DOK6: variants seen among roughly 807,000 people sequenced by gnomAD.
The protein encoded by DOK6 is downstream of tyrosine kinase 6.
Under a neutral mutation model 44.0 loss-of-function variants are expected in DOK6, and 22 were observed. The ratio of observed to expected loss-of-function variants is 0.50; its 90% CI spans 0.36 to 0.71. DOK6 has a LOEUF of 0.71. DOK6 is among the 30% of genes least tolerant of loss of function. The pLI is 0.00. For missense variants in DOK6, 340 were observed against 416.4 expected, an observed-to-expected ratio of 0.82 and a Z score of 1.60; for synonymous variants, 166 against 145.5, an observed-to-expected ratio of 1.14 and a Z score of -1.01.
chr18:69,659,542 G>A (rs1985455423), intron 3 of DOK6, among the ~76,000 whole-genome samples: 1 of 152,110 alleles, frequency 6.6e-6, no homozygotes, highest in African/African-American at 2.4e-5. Context: ...TAATTACACA[G>A]GCTGAGATAA....
intron 5 of DOK6, among the ~76,000 whole-genome samples, chr18:69,736,652 T>G (rs1224536847): frequency 6.6e-6 from 1 of 152,236 alleles, no homozygotes. Flanking sequence ...GGTTCAACTG[T>G]AACACCTATG....
At position 69,848,183 on chromosome 18, in the gene DOK6, A is replaced by G. The variant is rs937266957; in HGVS notation, c.*6800A>G. The G allele has an allele frequency of 1.3e-5, 2 of 152,148 alleles. No individual in the cohort carries two copies. Among genetic ancestry groups the G allele is most frequent in the African/African-American group, 4.8e-5 (2 of 41,412 alleles). The allele number at this position is 152,148 out of a possible 1,614,324, so 9.4% of individuals were successfully genotyped here. A position where few individuals can be genotyped will look rare whatever the true frequency, so the allele number is the denominator to read the frequency against. On this transcript the variant is annotated 3_prime_UTR_variant, in exon 8 of 8. Coordinates refer to ENST00000382713, the MANE Select transcript of DOK6 (RefSeq NM_152721.6). ...CCTATGAATCTCTAAAATATATTAA[A>G]TAATGTGTTATATATTTGCTTTTTG... is the stretch of plus-strand genomic sequence containing the variant.
At chr18:69,611,940 T>C (rs12456201) in intron 3 of DOK6, among the ~76,000 whole-genome samples, 65,134 of 134,002 alleles carry the variant, frequency 0.49, 14,070 homozygotes, top group Middle Eastern at 0.6. Context: ...TGATTAATTA[T>C]ATAAAACTTA....
chr18:69,646,402 G>A lies in DOK6; in HGVS notation c.290-31332G>A, dbSNP rs8092966. Among the ~76,000 whole-genome samples the A allele has an allele frequency of 2.6e-5, 4 of 151,900 alleles. No individual in the cohort carries two copies. The East Asian group carries it at 7.7e-4, about 29-fold the overall frequency. On this transcript the variant is annotated intron_variant, in intron 3 of 7. Transcript: ENST00000382713. The stretch of plus-strand genomic sequence containing the variant: ...AGACATGAGTATGATGTTACAGTTT[G>A]CCTCTGATTTCTGGTTATTTTAGGG...
At chr18:69,788,379 A>G (rs1980496586) in intron 7 of DOK6, among the ~76,000 whole-genome samples, 1 of 152,238 alleles carries the variant, frequency 6.6e-6, no homozygotes, top group African/African-American at 2.4e-5. Context: ...AGGGATGACT[A>G]ACTTCCTGAA....
chr18:69,499,456 G>A (rs1267350924), intron 1 of DOK6, among the ~76,000 whole-genome samples: 1 of 152,140 alleles, frequency 6.6e-6, no homozygotes, highest in African/African-American at 2.4e-5. Context: ...TGTAGAATGA[G>A]TAATTTACGC....
chr18:69,437,022 A>C (rs1304765355), intron 1 of DOK6, among the ~76,000 whole-genome samples: 8 of 152,098 alleles, frequency 5.3e-5, no homozygotes, highest in African/African-American at 1.9e-4. Context: ...TTTCTTGTAA[A>C]TTTGTTCAAG....
chr18:69,595,245 A>G (rs1983713971), intron 2 of DOK6, among the ~76,000 whole-genome samples: 1 of 152,204 alleles, frequency 6.6e-6, no homozygotes, highest in African/African-American at 2.4e-5. Context: ...TAGAAAAACA[A>G]TTGTGTGGCT....
chr18:69,808,486 G>A (rs1024303379), intron 7 of DOK6, among the ~76,000 whole-genome samples: 1 of 151,674 alleles, frequency 6.6e-6, no homozygotes, highest in African/African-American at 2.4e-5. Context: ...AAGAGCAACA[G>A]AACTAAAAGT....
chr18:69,762,042 G>A (rs533128160), intron 7 of DOK6, among the ~76,000 whole-genome samples: 49 of 152,184 alleles, frequency 3.2e-4, no homozygotes, highest in South Asian at 1.9e-3. Flanking sequence ...AGAAAAGAAG[G>A]AAAGTTCAAC....
chr18:69,456,164 A>G lies in DOK6; in HGVS notation c.66+54854A>G, dbSNP rs1979627938. 2.0e-5 allele frequency among the ~76,000 whole-genome samples: 3 copies of G among 152,156 alleles called. No homozygotes were observed. The South Asian group carries it at 6.2e-4, about 32-fold the overall frequency. On this transcript the variant is annotated intron_variant, in intron 1 of 7. Transcript: ENST00000382713. ...TCAAAACATTGTTTTTATTCCAGGAATTATGTCAAAAATTAAGCCTTTTTT... is the reference window on the plus strand; with the variant it reads ...TCAAAACATTGTTTTTATTCCAGGAGTTATGTCAAAAATTAAGCCTTTTTT...
intron 7 of DOK6, among the ~76,000 whole-genome samples, chr18:69,769,117 A>G (rs940051282): frequency 6.6e-6 from 1 of 152,046 alleles, no homozygotes; most frequent in Non-Finnish European, 1.5e-5. Context: ...TTTACTATTC[A>G]TAATATTAGA....
chr18:69,560,746 C>G (rs1027905464), intron 1 of DOK6, among the ~76,000 whole-genome samples: 1 of 152,076 alleles, frequency 6.6e-6, no homozygotes. Context: ...GCGGCATGAG[C>G]TTTACATACT....
chr18:69,463,589 C>T (rs1379540930), intron 1 of DOK6, among the ~76,000 whole-genome samples: 1 of 152,120 alleles, frequency 6.6e-6, no homozygotes, highest in Non-Finnish European at 1.5e-5. Context: ...AGAGAGAACT[C>T]CACAGAGCAC....
chr18:69,550,353 A>G (rs1982529587), intron 1 of DOK6, among the ~76,000 whole-genome samples: 1 of 152,200 alleles, frequency 6.6e-6, no homozygotes, highest in Non-Finnish European at 1.5e-5. Context: ...TGGATAAGAT[A>G]AAAGCACCCA....
intron 7 of DOK6, among the ~76,000 whole-genome samples, chr18:69,830,964 T>A (rs1394487265): frequency 2.0e-5 from 3 of 152,132 alleles, no homozygotes; most frequent in Non-Finnish European, 4.4e-5. Flanking sequence ...AATGAAGATA[T>A]GTGTATGAGT....
intron 3 of DOK6, among the ~76,000 whole-genome samples, chr18:69,666,993 C>CG (rs956277805): frequency 7.8e-6 from 1 of 127,502 alleles, no homozygotes; most frequent in African/African-American, 2.8e-5. Context: ...CCCAGAAGGA[C>CG]CCCCCCTCCC....
rs1982394310 is a variant in DOK6 at position 69,848,200 on chromosome 18, T to C, written c.*6817T>C. ...TATATTAAATAATGTGTTATATATT[T>C]GCTTTTTGTAAATCTTTATTTAATT... On this transcript the variant is annotated 3_prime_UTR_variant, in exon 8 of 8. Coordinates refer to ENST00000382713, the MANE Select transcript of DOK6 (RefSeq NM_152721.6). 6.6e-6 allele frequency: 1 copy of C among 152,232 alleles called. No individual in the cohort carries two copies. The highest frequency in any genetic ancestry group is 1.5e-5 in the Non-Finnish European group (1 of 68,036). The allele number at this position is 152,232 out of a possible 1,614,324, so 9.4% of individuals were successfully genotyped here.
chr18:69,461,517 A>G (rs1251452450), intron 1 of DOK6, among the ~76,000 whole-genome samples: 1 of 152,060 alleles, frequency 6.6e-6, no homozygotes, highest in Non-Finnish European at 1.5e-5. Context: ...ACATATCCCT[A>G]TTTGGTCTAA....
Sources: gnomAD v4.1 joint callset for allele counts (sites outside exome capture counted in the v4.1 genomes callset) on GRCh38, gnomAD v4.1.1 for gene constraint, MANE v1.5 for transcripts, NCBI Gene and HGNC (gene_info 2026-07-23, HGNC 2026-07-21) for gene names.